Variants in SORBS2 observed in about 807,000 individuals in gnomAD.
SORBS2 encodes sorbin and SH3 domain containing 2, also known as sorbin and SH3 domain-containing protein 2.
In SORBS2, 46 loss-of-function variants were observed where a neutral mutation model predicts 97.7. That is an observed-to-expected ratio of 0.47 (90% CI 0.37 to 0.60). SORBS2 has a LOEUF of 0.60. Among genes scored for constraint, SORBS2 ranks in the 20% least tolerant of loss-of-function variants. SORBS2 has a pLI of 0.00. For synonymous variants in SORBS2, 476 were observed against 473.4 expected (o/e 1.01, Z -0.07); for missense variants, 1,316 against 1,282.3 (o/e 1.03, Z -0.40).
At chr4:185,955,643 C>A (rs1240858825) in intron 1 of SORBS2, among the ~76,000 whole-genome samples, 1 of 152,144 alleles carries the variant, frequency 6.6e-6, no homozygotes, top group Non-Finnish European at 1.5e-5. Context: ...ACGAGCACAC[C>A]AGCTGTCAGT....
chr4:185,838,545 C>T (rs571656793), intron 1 of SORBS2, among the ~76,000 whole-genome samples: 3 of 152,324 alleles, frequency 2.0e-5, no homozygotes, highest in Admixed American at 2.0e-4. Context: ...TGCAGTAGTT[C>T]CATTAGGGCC....
At chr4:185,949,196 G>A (rs900896354) in intron 1 of SORBS2, among the ~76,000 whole-genome samples, 78 of 152,244 alleles carry the variant, frequency 5.1e-4, no homozygotes, top group African/African-American at 1.8e-3. Context: ...CTCCAAGTAC[G>A]GCTAGAGAAT....
At chr4:185,928,667 T>C (rs995536304) in intron 1 of SORBS2, among the ~76,000 whole-genome samples, 3 of 152,222 alleles carry the variant, frequency 2.0e-5, no homozygotes, top group African/African-American at 7.2e-5. Context: ...TGCCTCATCC[T>C]CCCGAGTAGC....
At chr4:185,700,511 C>T (rs963578725) in intron 2 of SORBS2, among the ~76,000 whole-genome samples, 14 of 151,964 alleles carry the variant, frequency 9.2e-5, no homozygotes, top group African/African-American at 2.9e-4. Context: ...AGGGTTAATG[C>T]TCTTAAATAT....
chr4:185,603,546 C>T (rs997541642), intron 12 of SORBS2, among the ~76,000 whole-genome samples: 4 of 152,136 alleles, frequency 2.6e-5, no homozygotes, highest in Non-Finnish European at 5.9e-5. Flanking sequence ...AATACAGAAC[C>T]TTAGCTGTAT....
intron 2 of SORBS2, among the ~76,000 whole-genome samples, chr4:185,710,421 C>T (rs997076977): frequency 4.6e-5 from 7 of 152,196 alleles, no homozygotes; most frequent in African/African-American, 1.7e-4. Flanking sequence ...CTTTTATGTA[C>T]ATGATTCTTT....
chr4:185,585,858 T>C (rs569031248), exon 15 of SORBS2: 1 of 152,362 alleles, frequency 6.6e-6, no homozygotes, highest in East Asian at 1.9e-4. Context: ...CTTTACCTTC[T>C]TCCTAATGAA....
chr4:185,759,297 C>A (rs141995024), intron 2 of SORBS2, among the ~76,000 whole-genome samples: 1 of 152,186 alleles, frequency 6.6e-6, no homozygotes, highest in African/African-American at 2.4e-5. Flanking sequence ...AATTACCAAC[C>A]AGAAGGAGTT....
In SORBS2 at chr4:185,593,890, C is replaced by A; in HGVS notation, c.2842G>T (p.Glu948Ter). The change falls in exon 13 of 15, where the codon GAA becomes TAA. Residue 948 changes from glutamate (E) to a stop codon, truncating the protein, a stop_gained. Transcript: ENST00000418609. LOFTEE classifies it high-confidence loss of function. ...GAAGATAAGAAGAATACTTACGGTT[C>A]CCCCCCACCTTGAATATTTTCATGA... 6.3e-7 allele frequency: 1 copy of A among 1,589,640 alleles called. No individual in the cohort carries two copies. Among genetic ancestry groups the A allele is most frequent in the Non-Finnish European group, 8.6e-7 (1 of 1,158,110 alleles).
In SORBS2 at chr4:185,868,159, C is replaced by CTTTTTTTTTTTT. The variant is rs112680775; in HGVS notation, c.-338+88025_-338+88036dup. Among the ~76,000 whole-genome samples the CTTTTTTTTTTTT allele has an allele frequency of 2.0e-3, 215 of 105,186 alleles. 9 individuals carry two copies. Among genetic ancestry groups the CTTTTTTTTTTTT allele is most frequent in the African/African-American group, 7.4e-3 (189 of 25,590 alleles). 69.0% of individuals were successfully genotyped at this position (105,186 alleles called of 152,430 possible). A position where few individuals can be genotyped will look rare whatever the true frequency, so the allele number is the denominator to read the frequency against. On this transcript the variant is annotated intron_variant, in intron 1 of 20. Transcript: ENST00000284776. Reference sequence around the variant, plus strand: ...TCTCTTTTCTTTTCTTTTTTTCTTTCTTTTTTTTTTTTTTTGAGGCAGAGT... The same window carrying CTTTTTTTTTTTT: ...TCTCTTTTCTTTTCTTTTTTTCTTTCTTTTTTTTTTTTTTTTTTTTTTTTTTTGAGGCAGAGT...
At chr4:185,753,275 C>T (rs548076448) in intron 2 of SORBS2, among the ~76,000 whole-genome samples, 2 of 152,248 alleles carry the variant, frequency 1.3e-5, no homozygotes, top group African/African-American at 4.8e-5. Flanking sequence ...TTTTCATTTC[C>T]TTAAGTCATT....
rs2096609447 is a variant in SORBS2 at position 185,615,216 on chromosome 4, TC to T, written c.2352-58del. The T allele has an allele frequency of 3.3e-5, 33 of 1,003,968 alleles. No individual in the cohort carries two copies. The South Asian group carries it at 4.0e-4, about 12-fold the overall frequency. The allele number at this position is 1,003,968 out of a possible 1,614,324, so 62.2% of individuals were successfully genotyped here. ...TGATGTACAGCAATAATTCTCAAGA[TC>T]AACACCCTCGCTAGATCTGCATTTG... is the stretch of plus-strand genomic sequence containing the variant. On this transcript the variant is annotated intron_variant, in intron 9 of 14. Transcript: ENST00000418609.
chr4:185,867,342 TC>T (rs1159714731), intron 1 of SORBS2, among the ~76,000 whole-genome samples: 2 of 152,188 alleles, frequency 1.3e-5, no homozygotes, highest in Non-Finnish European at 2.9e-5. Flanking sequence ...AAATAGAACT[TC>T]CTATTAGCAA....
intron 1 of SORBS2, among the ~76,000 whole-genome samples, chr4:185,951,402 CACTGCCCGGGT>C (rs2099277163): frequency 6.6e-6 from 1 of 152,206 alleles, no homozygotes; most frequent in South Asian, 2.1e-4. Context: ...CAGCCCAGCT[CACTGCCCGGGT>C]ACTGCTGCCC....
intron 2 of SORBS2, among the ~76,000 whole-genome samples, chr4:185,731,864 CTCTATATATATATATATATATATATA>C (rs1482769487): frequency 2.8e-4 from 8 of 29,024 alleles, no homozygotes; most frequent in South Asian, 1.7e-3. Context: ...CTCTCTCTCT[CTCTATATATATATATATATATATATA>C]TATATATATA....
chr4:185,588,118 G>T, intron 14 of SORBS2: 1 of 170,192 alleles, frequency 5.9e-6, no homozygotes. Flanking sequence ...CGCAACACAG[G>T]TGCGACATGA....
intron 6 of SORBS2, among the ~76,000 whole-genome samples, 196 bp from the exon 19 acceptor site, chr4:185,624,690 AAT>A (rs2096780222): frequency 6.6e-6 from 1 of 152,214 alleles, no homozygotes; most frequent in African/African-American, 2.4e-5. Context: ...AAAGCGAGCT[AAT>A]ACTTTTTCAG....
upstream of SORBS2, among the ~76,000 whole-genome samples, chr4:185,660,320 G>A (rs1022948530): frequency 9.2e-5 from 14 of 152,084 alleles, no homozygotes; most frequent in African/African-American, 2.2e-4. Context: ...ATAATTTGTC[G>A]AGTTTTACTT....
At chr4:185,904,647 T>C (rs1208489850) in intron 1 of SORBS2, among the ~76,000 whole-genome samples, 3 of 152,228 alleles carry the variant, frequency 2.0e-5, no homozygotes, top group Non-Finnish European at 4.4e-5. Flanking sequence ...TCAAGGGTTA[T>C]GTGAGGCAAC....
Sources: allele counts gnomAD v4.1 joint callset (sites outside exome capture counted in the v4.1 genomes callset), GRCh38; gene constraint gnomAD v4.1.1; transcripts MANE v1.5; gene names NCBI Gene and HGNC (gene_info 2026-07-23, HGNC 2026-07-21).